Variants in CCSER1 observed in about 807,000 individuals in gnomAD.
CCSER1 encodes the protein serine-rich coiled-coil domain-containing protein 1.
In CCSER1, 41 loss-of-function variants were observed where a neutral mutation model predicts 82.0. The observed-to-expected ratio is 0.50, with a 90% CI of 0.39 to 0.65. The LOEUF is 0.65. CCSER1 is among the 30% of genes least tolerant of loss of function. CCSER1 has a pLI of 0.00. For synonymous variants in CCSER1, 414 were observed against 383.9 expected, an observed-to-expected ratio of 1.08 and a Z score of -0.92; for missense variants, 1,119 against 1,064.2, an observed-to-expected ratio of 1.05 and a Z score of -0.72.
At chr4:90,281,360 G>A (rs1728817203) in intron 1 of CCSER1, among the ~76,000 whole-genome samples, 2 of 151,902 alleles carry the variant, frequency 1.3e-5, no homozygotes, top group South Asian at 4.1e-4. Context: ...GGAAAGGCAA[G>A]GATTGAAAAA....
chr4:91,207,247 G>A (rs2149077924), intron 10 of CCSER1, among the ~76,000 whole-genome samples: 1 of 151,922 alleles, frequency 6.6e-6, no homozygotes, highest in South Asian at 2.1e-4. Context: ...AGGTGTACAT[G>A]TGCAGGTTTG....
At chr4:90,893,209 C>G (rs1723202984) in intron 8 of CCSER1, among the ~76,000 whole-genome samples, 1 of 151,964 alleles carries the variant, frequency 6.6e-6, no homozygotes, top group Non-Finnish European at 1.5e-5. Flanking sequence ...GTCCCACACA[C>G]CACCAACCAG....
chr4:91,122,187 G>T (rs182269072), intron 10 of CCSER1, among the ~76,000 whole-genome samples: 50 of 151,712 alleles, frequency 3.3e-4, no homozygotes, highest in African/African-American at 1.1e-3. Context: ...ATCCCTGATT[G>T]GTCAAGATTT....
intron 10 of CCSER1, among the ~76,000 whole-genome samples, chr4:91,094,189 A>G (rs1170746757): frequency 6.6e-6 from 1 of 152,178 alleles, no homozygotes; most frequent in East Asian, 1.9e-4. Flanking sequence ...CTAGGTCTTT[A>G]GCAGGAAACT....
At chr4:91,438,468 CA>C (rs1754841964) in intron 10 of CCSER1, among the ~76,000 whole-genome samples, 1 of 151,902 alleles carries the variant, frequency 6.6e-6, no homozygotes, top group Non-Finnish European at 1.5e-5. Context: ...ACATCCACAC[CA>C]AAAACCCATC....
intron 10 of CCSER1, among the ~76,000 whole-genome samples, chr4:91,203,409 G>C (rs1736088459): frequency 6.6e-6 from 1 of 151,774 alleles, no homozygotes; most frequent in Admixed American, 6.6e-5. Flanking sequence ...AATGTGTATT[G>C]ATTGCCTAAT....
At chr4:91,239,263 C>T (rs1337878840) in intron 10 of CCSER1, among the ~76,000 whole-genome samples, 1 of 91,728 alleles carries the variant, frequency 1.1e-5, no homozygotes, top group African/African-American at 4.6e-5. Context: ...AGCAACAAAA[C>T]TAGGGTTCGA....
At chr4:90,130,250 T>TA (rs1722584432) in intron 1 of CCSER1, among the ~76,000 whole-genome samples, 1 of 152,236 alleles carries the variant, frequency 6.6e-6, no homozygotes, top group Non-Finnish European at 1.5e-5. Flanking sequence ...TTCAGGAACT[T>TA]ACTTGCCATG....
chr4:90,454,439 G>A (rs974344999), intron 4 of CCSER1, among the ~76,000 whole-genome samples: 2 of 152,034 alleles, frequency 1.3e-5, no homozygotes, highest in African/African-American at 4.8e-5. Flanking sequence ...GCTTTACCAA[G>A]ACCCCTTTTA....
chr4:90,612,057 A>G (rs1187842469), intron 5 of CCSER1, among the ~76,000 whole-genome samples: 1 of 151,970 alleles, frequency 6.6e-6, no homozygotes, highest in Admixed American at 6.6e-5. Flanking sequence ...AGACATGCCA[A>G]TAACAAATAT....
Position 90,189,277 on chromosome 4 carries a change from A to G in CCSER1, c.-42+61446A>G, listed in dbSNP as rs372645396. Among the ~76,000 whole-genome samples, 18 of 152,082 alleles carry G rather than the reference A, an allele frequency of 1.2e-4. No homozygotes were observed. The East Asian group carries it at 3.3e-3, about 28-fold the overall frequency. On this transcript the variant is annotated intron_variant, in intron 1 of 10. Coordinates refer to ENST00000509176, the MANE Select transcript of CCSER1 (RefSeq NM_001145065.2). ...CAAGAAAGGCACCTCTGAGTCTATT[A>G]CAAGTACAATACAATGTGGTCTGTA...
intron 3 of CCSER1, among the ~76,000 whole-genome samples, chr4:90,327,135 C>T (rs1181204153): frequency 6.6e-6 from 1 of 152,142 alleles, no homozygotes; most frequent in Non-Finnish European, 1.5e-5. Context: ...GGAAAGCAGA[C>T]ACCATTTTCC....
chr4:90,447,917 G>C (rs1437056171), intron 4 of CCSER1, among the ~76,000 whole-genome samples: 2 of 151,960 alleles, frequency 1.3e-5, no homozygotes, highest in Admixed American at 1.3e-4. Flanking sequence ...AAATATTATA[G>C]AGTTAATTTT....
intron 10 of CCSER1, among the ~76,000 whole-genome samples, chr4:91,361,992 C>G (rs1357494668): frequency 6.6e-6 from 1 of 151,692 alleles, no homozygotes; most frequent in Non-Finnish European, 1.5e-5. Flanking sequence ...GAGCAGATAT[C>G]TGAAGAAACT....
At chr4:91,006,027 G>C (rs576306263) in intron 9 of CCSER1, among the ~76,000 whole-genome samples, 7 of 152,132 alleles carry the variant, frequency 4.6e-5, no homozygotes, top group African/African-American at 1.2e-4. Flanking sequence ...CATTTTTTCT[G>C]TTTGCTCATG....
chr4:90,396,089 A>G (rs904133955), intron 3 of CCSER1, among the ~76,000 whole-genome samples: 1 of 152,102 alleles, frequency 6.6e-6, no homozygotes, highest in African/African-American at 2.4e-5. Context: ...TCGAAAAACA[A>G]AAACAAACAA....
chr4:90,248,212 A>T (rs60211684), intron 1 of CCSER1, among the ~76,000 whole-genome samples: 21,240 of 152,146 alleles, frequency 0.14, 1,764 homozygotes, highest in East Asian at 0.28. Flanking sequence ...TGGCAGAAGG[A>T]CCTTGTCTCT....
At chr4:91,133,969 C>T (rs1036061031) in intron 10 of CCSER1, among the ~76,000 whole-genome samples, 2 of 152,120 alleles carry the variant, frequency 1.3e-5, no homozygotes, top group Non-Finnish European at 2.9e-5. Context: ...CAAGGTGGCG[C>T]ATGCCTATAA....
At chr4:91,443,748 T>C (rs1755370884) in intron 10 of CCSER1, among the ~76,000 whole-genome samples, 1 of 148,436 alleles carries the variant, frequency 6.7e-6, no homozygotes, top group Non-Finnish European at 1.5e-5. Context: ...TATATAAATA[T>C]GTATTATATA....
Sources: allele counts gnomAD v4.1 joint callset (sites outside exome capture counted in the v4.1 genomes callset), GRCh38; gene constraint gnomAD v4.1.1; transcripts MANE v1.5; gene names NCBI Gene and HGNC (gene_info 2026-07-23, HGNC 2026-07-21).